Variants in FRMPD4 observed in about 807,000 individuals in gnomAD.
FRMPD4 encodes FERM and PDZ domain-containing protein 4.
Under a neutral mutation model 94.1 loss-of-function variants are expected in FRMPD4, and 22 were observed. The ratio of observed to expected loss-of-function variants is 0.23; its 90% CI spans 0.17 to 0.33. The LOEUF is 0.33. Ranked by LOEUF, FRMPD4 falls within the 10% of genes least tolerant of loss-of-function variation. FRMPD4 has a pLI of 1.00. For missense variants in FRMPD4, 1,111 were observed against 1,339.9 expected (o/e 0.83, Z 2.67); for synonymous variants, 631 against 548.6 (o/e 1.15, Z -2.10).
chrX:12,649,327 A>G (rs946228134), intron 4 of FRMPD4, among the ~76,000 whole-genome samples: 1 of 112,041 alleles, frequency 8.9e-6, no homozygotes, highest in Non-Finnish European at 1.9e-5. Context: ...GCTTTCCCTC[A>G]TGGCTCTAGG....
intron 1 of FRMPD4, among the ~76,000 whole-genome samples, chrX:11,858,383 T>C (rs1289499111): frequency 2.7e-5 from 3 of 111,346 alleles, no homozygotes; most frequent in African/African-American, 9.8e-5. Flanking sequence ...TAAAAAAGAA[T>C]GAGATCATGT....
chrX:12,445,575 G>T (rs5935345), intron 1 of FRMPD4, among the ~76,000 whole-genome samples: 3 of 112,050 alleles, frequency 2.7e-5, no homozygotes, highest in African/African-American at 9.7e-5. Flanking sequence ...AATGTAAAAG[G>T]TCGGTAGTTA....
At chrX:12,290,876 A>G (rs867386477) in intron 1 of FRMPD4, among the ~76,000 whole-genome samples, 1,218 of 111,239 alleles carry the variant, frequency 0.011, 14 homozygotes, top group African/African-American at 0.038. Context: ...GGAAAAAAAA[A>G]AATCCCTTAA....
intron 3 of FRMPD4, among the ~76,000 whole-genome samples, chrX:12,102,990 G>T (rs1312923080): frequency 9.0e-6 from 1 of 111,196 alleles, no homozygotes; most frequent in Non-Finnish European, 1.9e-5. Context: ...CTTGTCTTTT[G>T]TCATATCAGG....
At chrX:12,657,266 G>A (rs2059667466) in intron 4 of FRMPD4, among the ~76,000 whole-genome samples, 1 of 111,697 alleles carries the variant, frequency 9.0e-6, no homozygotes, top group African/African-American at 3.3e-5. Flanking sequence ...AGGCTCAACT[G>A]AAAAGGAATC....
intron 4 of FRMPD4, among the ~76,000 whole-genome samples, chrX:12,630,073 AGTG>A (rs2059381965): frequency 8.9e-6 from 1 of 112,552 alleles, no homozygotes; most frequent in Non-Finnish European, 1.9e-5. Context: ...GGTGTGCAGC[AGTG>A]TGACATGGTG....
chrX:12,240,181 T>G (rs983443067), intron 1 of FRMPD4, among the ~76,000 whole-genome samples: 2 of 112,151 alleles, frequency 1.8e-5, no homozygotes, highest in African/African-American at 6.5e-5. Context: ...AGTGGTAGAG[T>G]TGAGTGGTTG....
In FRMPD4 at chrX:12,475,105, T is replaced by A. The variant is rs1489747900; in HGVS notation, c.42-23575T>A. Among the ~76,000 whole-genome samples the A allele has an allele frequency of 2.7e-5, 3 of 111,823 alleles. No homozygotes were observed. In the East Asian group the frequency reaches 8.4e-4, roughly 31 times the overall value. On this transcript the variant is annotated intron_variant, in intron 1 of 16. Transcript: ENST00000675598. ...TGACTCCAGCAGCACATCAAAAAGCTTATCCATCATGATCAAGTGGGCTTC... is the reference window on the plus strand; with the variant it reads ...TGACTCCAGCAGCACATCAAAAAGCATATCCATCATGATCAAGTGGGCTTC...
chrX:11,924,155 G>T (rs1056254598), intron 3 of FRMPD4, among the ~76,000 whole-genome samples: 2 of 111,928 alleles, frequency 1.8e-5, no homozygotes, highest in Admixed American at 9.5e-5. Flanking sequence ...ATTAATAGCA[G>T]AATAGACCAA....
chrX:11,832,544 G>A (rs904345862), intron 1 of FRMPD4, among the ~76,000 whole-genome samples: 1 of 111,623 alleles, frequency 9.0e-6, no homozygotes, highest in Non-Finnish European at 1.9e-5. Flanking sequence ...ATATCAAACA[G>A]AGCATAGAAA....
intron 1 of FRMPD4, among the ~76,000 whole-genome samples, chrX:12,217,486 C>T (rs1329227048): frequency 8.9e-6 from 1 of 112,194 alleles, no homozygotes; most frequent in African/African-American, 3.2e-5. Context: ...GCATTCATGT[C>T]TGTAAAGAAC....
intron 1 of FRMPD4, among the ~76,000 whole-genome samples, chrX:12,452,695 T>TAACA (rs1249365281): frequency 8.9e-6 from 1 of 112,669 alleles, no homozygotes; most frequent in Admixed American, 9.4e-5. Context: ...GAAATTGTCA[T>TAACA]AACATGTTAT....
chrX:12,553,661 C>T (rs1412076971), intron 2 of FRMPD4, among the ~76,000 whole-genome samples: 1 of 107,970 alleles, frequency 9.3e-6, no homozygotes, highest in Admixed American at 1.0e-4. Flanking sequence ...TGGCATAAAA[C>T]ACCAGCTCTG....
intron 3 of FRMPD4, among the ~76,000 whole-genome samples, chrX:12,069,107 T>A (rs1483726251): frequency 8.9e-6 from 1 of 111,765 alleles, no homozygotes; most frequent in Non-Finnish European, 1.9e-5. Flanking sequence ...TGAGTGGAAC[T>A]GGAAGAAAAT....
chrX:12,056,934 C>G (rs1183757530), intron 3 of FRMPD4, among the ~76,000 whole-genome samples: 1 of 111,862 alleles, frequency 8.9e-6, no homozygotes, highest in Non-Finnish European at 1.9e-5. Context: ...ATATAGTCTG[C>G]TTTAAAATAG....
chrX:12,062,804 G>T (rs1399015654), intron 3 of FRMPD4, among the ~76,000 whole-genome samples: 1 of 111,611 alleles, frequency 9.0e-6, no homozygotes, highest in Non-Finnish European at 1.9e-5. Flanking sequence ...ACTGAGTTTT[G>T]TTAGTTTTAC....
At chrX:12,198,425 G>A (rs1457628034) in intron 1 of FRMPD4, among the ~76,000 whole-genome samples, 4 of 111,595 alleles carry the variant, frequency 3.6e-5, no homozygotes, top group African/African-American at 1.3e-4. Context: ...GTTTGGATTT[G>A]GTTGTGAGTT....
At chrX:12,574,013 A>AT (rs1324294823) in intron 2 of FRMPD4, among the ~76,000 whole-genome samples, 1 of 111,601 alleles carries the variant, frequency 9.0e-6, no homozygotes, top group African/African-American at 3.3e-5. Flanking sequence ...ATTTTTATTT[A>AT]TTTTTTTGAG....
chrX:12,374,773 C>T (rs2056212184), intron 1 of FRMPD4, among the ~76,000 whole-genome samples: 1 of 111,363 alleles, frequency 9.0e-6, no homozygotes, highest in African/African-American at 3.3e-5. Flanking sequence ...GGCCAGTATG[C>T]ATCCAGCTGG....
Sources: allele counts gnomAD v4.1 joint callset (sites outside exome capture counted in the v4.1 genomes callset), GRCh38; gene constraint gnomAD v4.1.1; transcripts MANE v1.5; gene names NCBI Gene and HGNC (gene_info 2026-07-23, HGNC 2026-07-21).